The following SDR42E2 variants were observed in gnomAD, a reference collection of about 807,000 sequenced individuals.
SDR42E2 encodes the protein short chain dehydrogenase/reductase family 42E, member 2, also known as putative short-chain dehydrogenase/reductase family 42E member 2.
In SDR42E2, 20 loss-of-function variants were observed where a neutral mutation model predicts 10.5. That is an observed-to-expected ratio of 1.90 (90% CI 1.34 to 2.77). The LOEUF is 2.77. SDR42E2 is among the 30% of genes most tolerant of loss of function. The pLI is 0.00. For missense variants in SDR42E2, 162 were observed against 104.2 expected (o/e 1.55, Z -2.42); for synonymous variants, 72 against 39.2 (o/e 1.84, Z -3.12).
At chr16:22,165,368 G>A (rs1027785743) in intron 1 of SDR42E2, among the ~76,000 whole-genome samples, 179 bp from the exon 2 acceptor site, 2 of 152,146 alleles carry the variant, frequency 1.3e-5, no homozygotes, top group South Asian at 2.1e-4. Context: ...GATTACAGAC[G>A]TGAACCACCA....
At chr16:22,176,081 TAAC>T (rs2046642573) in intron 7 of SDR42E2, among the ~76,000 whole-genome samples, 1 of 152,196 alleles carries the variant, frequency 6.6e-6, no homozygotes, top group Non-Finnish European at 1.5e-5. Context: ...TGACTATAAT[TAAC>T]AACTATTTAT....
chr16:22,190,379 G>A lies in SDR42E2; in HGVS notation c.1255G>A (p.Val419Met), dbSNP rs530901882. The change falls in exon 13 of 13, where the codon GTG (valine) becomes ATG (methionine). Residue 419 changes from valine to methionine, a missense_variant. Val to Met is a conservative substitution (Grantham distance 21). Coordinates refer to ENST00000602312, the MANE Select transcript of SDR42E2 (RefSeq NM_001394319.2). ...FLGLQPLHAA[V>M]ERL ...AGGCCTGCAGCCTCTGCACGCCGCC[G>A]TGGAGCGCCTGTGACCGTCCGCCGT... is the stretch of plus-strand genomic sequence containing the variant. 497 of 402,442 alleles carry A rather than the reference G, an allele frequency of 1.2e-3. 1 individual carries two copies. The highest frequency in any genetic ancestry group is 1.9e-3 in the Non-Finnish European group (428 of 227,992). 24.9% of individuals were successfully genotyped at this position (402,442 alleles called of 1,614,324 possible).
intron 7 of SDR42E2, among the ~76,000 whole-genome samples, chr16:22,177,660 AG>A (rs2046656008): frequency 2.0e-5 from 3 of 146,862 alleles, no homozygotes; most frequent in African/African-American, 8.2e-5. Context: ...AAAAAGAAAA[AG>A]GAAAAGGAAA....
rs375031007 is a variant in SDR42E2, at chr16:22,182,566, TC to T, written c.876+290del. Among the ~76,000 whole-genome samples, 268 of 152,032 alleles carry T rather than the reference TC, an allele frequency of 1.8e-3. 2 individuals are homozygous for T. The highest frequency in any genetic ancestry group is 5.4e-3 in the African/African-American group (224 of 41,516). On this transcript the variant is annotated intron_variant, in intron 10 of 12. Coordinates refer to ENST00000602312, the MANE Select transcript of SDR42E2 (RefSeq NM_001394319.2). ...TTTCACCATGTTTGCCAGGCTGGTC[TC>T]AAACCCCTGACCTCAAGTGATCCAC...
chr16:22,181,761 TAAG>T (rs1382488309), intron 9 of SDR42E2, 105 bp downstream of exon 9: 1 of 627,576 alleles, frequency 1.6e-6, no homozygotes, highest in African/African-American at 1.8e-5. Context: ...CCCTCCAACT[TAAG>T]AAGGCTGGTG....
chr16:22,175,956 G>T (rs1598137723), intron 7 of SDR42E2, among the ~76,000 whole-genome samples: 1 of 150,966 alleles, frequency 6.6e-6, no homozygotes, highest in East Asian at 1.9e-4. Flanking sequence ...TCGTGCCATT[G>T]CACTCCAGCC....
At chr16:22,165,158 G>A (rs2046524410) in intron 1 of SDR42E2, among the ~76,000 whole-genome samples, 1 of 152,170 alleles carries the variant, frequency 6.6e-6, no homozygotes, top group Non-Finnish European at 1.5e-5. Context: ...CACCATCTCA[G>A]CTCACTGCAA....
At chr16:22,173,077 G>A (rs1275935862) in intron 7 of SDR42E2, among the ~76,000 whole-genome samples, 1 of 152,062 alleles carries the variant, frequency 6.6e-6, no homozygotes, top group Non-Finnish European at 1.5e-5. Flanking sequence ...ACCATGCCTG[G>A]CCTTGGCTGC....
At chr16:22,178,405 G>C (rs1179394466) in intron 8 of SDR42E2, among the ~76,000 whole-genome samples, 193 bp downstream of exon 8, 1 of 152,184 alleles carries the variant, frequency 6.6e-6, no homozygotes, top group African/African-American at 2.4e-5. Flanking sequence ...GGCAGGAACA[G>C]AGCTCTCAGA....
At chr16:22,183,389 C>T (rs2046711843) in intron 10 of SDR42E2, among the ~76,000 whole-genome samples, 1 of 152,184 alleles carries the variant, frequency 6.6e-6, no homozygotes, top group African/African-American at 2.4e-5. Context: ...TGGCTTCTAG[C>T]CCTGTGGAGT....
At chr16:22,163,072 A>C (rs1029992561) in intron 1 of SDR42E2, among the ~76,000 whole-genome samples, 2 of 152,166 alleles carry the variant, frequency 1.3e-5, no homozygotes, top group Non-Finnish European at 1.5e-5. Flanking sequence ...CTCGCAAGGC[A>C]TTCTGGCGTC....
At position 22,166,359 on chromosome 16, in the gene SDR42E2, G is replaced by A. The variant is rs2046539639; in HGVS notation, c.165G>A (p.Lys55=). ...TCAGCCTGGGATCCCACCTAGCCAA[G>A]AGCGGCACTTCCGTCATTCTGCTTG... ...LGFSLGSHLA[K]SGTSVILLDR... Residue 55 remains lysine (K), a synonymous_variant, in exon 3 of 13, where the codon AAG becomes AAA. Coordinates refer to ENST00000602312, the MANE Select transcript of SDR42E2 (RefSeq NM_001394319.2). 1 of 402,586 alleles carries A rather than the reference G, an allele frequency of 2.5e-6. No individual in the cohort carries two copies. The highest frequency in any genetic ancestry group is 2.1e-5 in the African/African-American group (1 of 48,696). The allele number at this position is 402,586 out of a possible 1,614,324, so 24.9% of individuals were successfully genotyped here.
chr16:22,163,838 T>G (rs2046514657), intron 1 of SDR42E2, among the ~76,000 whole-genome samples: 1 of 152,194 alleles, frequency 6.6e-6, no homozygotes, highest in Non-Finnish European at 1.5e-5. Context: ...CCAGAGTCCC[T>G]GCCCTGTGAC....
At chr16:22,189,556 G>T (rs978037445) in intron 12 of SDR42E2, among the ~76,000 whole-genome samples, 2 of 152,158 alleles carry the variant, frequency 1.3e-5, no homozygotes, top group Non-Finnish European at 2.9e-5. Context: ...CAAACCAGTG[G>T]GCCCCAAGCC....
rs2046768110 is a variant in SDR42E2, at chr16:22,190,635, C to T, written c.*242C>T. 1 of 385,516 alleles carries T rather than the reference C, an allele frequency of 2.6e-6. No homozygotes were observed. The highest frequency in any genetic ancestry group is 2.1e-5 in the African/African-American group (1 of 48,066). The allele number at this position is 385,516 out of a possible 1,614,324, so 23.9% of individuals were successfully genotyped here. A position where few individuals can be genotyped will look rare whatever the true frequency, so the allele number is the denominator to read the frequency against. ...CGCCCTTCCTGTGTTTTGGCCCCGC[C>T]CCTGTCCTGTCCCGCCCCGCCCTCC... On this transcript the variant is annotated 3_prime_UTR_variant, in exon 13 of 13. Coordinates refer to ENST00000602312, the MANE Select transcript of SDR42E2 (RefSeq NM_001394319.2).
chr16:22,181,445 A>T, intron 8 of SDR42E2, 74 bp from the exon 9 acceptor site: 1 of 699,156 alleles, frequency 1.4e-6, no homozygotes, highest in Non-Finnish European at 2.6e-6. Flanking sequence ...GAACCTGGGG[A>T]GTCATCAGCA....
intron 12 of SDR42E2, among the ~76,000 whole-genome samples, chr16:22,188,655 G>A (rs966916657): frequency 6.6e-6 from 1 of 152,266 alleles, no homozygotes; most frequent in African/African-American, 2.4e-5. Flanking sequence ...CTGAATTGTG[G>A]TCAGGCAGGG....
At chr16:22,185,594 G>A (rs1302123489) in intron 11 of SDR42E2, among the ~76,000 whole-genome samples, 1 of 152,056 alleles carries the variant, frequency 6.6e-6, no homozygotes, top group Non-Finnish European at 1.5e-5. Context: ...GGAGGAAGTG[G>A]GAGGAAAGCA....
Position 22,182,119 on chromosome 16 carries a change from T to G in SDR42E2, c.811-93T>G, listed in dbSNP as rs548421981. ...AGGTATTGGAGCTGCTCCAGAGAACTCAGGGTTGGAGCAGCTGCTGGGAGC... is the reference window on the plus strand; with the variant it reads ...AGGTATTGGAGCTGCTCCAGAGAACGCAGGGTTGGAGCAGCTGCTGGGAGC... On this transcript the variant is annotated intron_variant, in intron 9 of 12. Coordinates refer to ENST00000602312, the MANE Select transcript of SDR42E2 (RefSeq NM_001394319.2). 2.2e-5 allele frequency: 9 copies of G among 406,890 alleles called. No homozygotes were observed. The South Asian group carries it at 8.3e-4, about 37-fold the overall frequency. The allele number at this position is 406,890 out of a possible 1,614,324, so 25.2% of individuals were successfully genotyped here. A position where few individuals can be genotyped will look rare whatever the true frequency, so the allele number is the denominator to read the frequency against.
Sources: gnomAD v4.1 joint callset for allele counts (sites outside exome capture counted in the v4.1 genomes callset) on GRCh38, gnomAD v4.1.1 for gene constraint, MANE v1.5 for transcripts, NCBI Gene and HGNC (gene_info 2026-07-23, HGNC 2026-07-21) for gene names.